C2orf76: variants seen among roughly 807,000 people sequenced by gnomAD.
The protein encoded by C2orf76 is UPF0538 protein C2orf76.
Under a neutral mutation model 16.9 loss-of-function variants are expected in C2orf76, and 23 were observed. That is an observed-to-expected ratio of 1.36 (90% CI 0.98 to 1.93). The LOEUF (loss-of-function observed/expected upper bound fraction) is 1.93. Among genes scored for constraint, C2orf76 ranks in the 30% most tolerant of loss-of-function variants. The pLI, the probability that C2orf76 is intolerant of heterozygous loss-of-function variation, is 0.00. For synonymous variants in C2orf76, 48 were observed against 52.3 expected (o/e 0.92, Z 0.35); for missense variants, 152 against 152.6 (o/e 1.00, Z 0.02).
At chr2:119,349,381 A>C (rs1680308809) in intron 1 of C2orf76, among the ~76,000 whole-genome samples, 1 of 152,228 alleles carries the variant, frequency 6.6e-6, no homozygotes, top group Admixed American at 6.5e-5. Context: ...GAAAGGAGGG[A>C]AAGGCTAGGA....
At position 119,358,352 on chromosome 2, in the gene C2orf76, G is replaced by A. The variant is rs137912955; in HGVS notation, c.-13+8438C>T. Among the ~76,000 whole-genome samples, 487 of 152,230 alleles carry A rather than the reference G, an allele frequency of 3.2e-3. 2 individuals carry two copies. Among genetic ancestry groups the A allele is most frequent in the African/African-American group, 0.011 (466 of 41,550 alleles). On this transcript the variant is annotated intron_variant, in intron 1 of 5. Transcript: ENST00000334816. The stretch of plus-strand genomic sequence containing the variant: ...ATCATTTTGGGAGGCCTAGGTGGGT[G>A]GATCACCTGAGGTCAGGAGTTCAAG...
chr2:119,354,557 TTATAAACTAGGAC>T (rs1212545590), intron 1 of C2orf76, among the ~76,000 whole-genome samples: 2 of 152,104 alleles, frequency 1.3e-5, no homozygotes, highest in African/African-American at 4.8e-5. Flanking sequence ...AACCCTACAT[TTATAAACTAGGAC>T]TATATGAGGG....
At chr2:119,360,209 G>A (rs1305164932) in intron 1 of C2orf76, among the ~76,000 whole-genome samples, 3 of 152,086 alleles carry the variant, frequency 2.0e-5, no homozygotes, top group South Asian at 2.1e-4. Flanking sequence ...GGCCAGGCAC[G>A]GTGGCTCATG....
chr2:119,320,920 A>G (rs1173132374), intron 3 of C2orf76, among the ~76,000 whole-genome samples: 1 of 152,160 alleles, frequency 6.6e-6, no homozygotes, highest in Non-Finnish European at 1.5e-5. Context: ...ATTACCTGGC[A>G]GAGAAACTCG....
chr2:119,341,651 A>G (rs1359704492), intron 1 of C2orf76, among the ~76,000 whole-genome samples: 1 of 152,218 alleles, frequency 6.6e-6, no homozygotes, highest in East Asian at 1.9e-4. Context: ...GCATAGTTCT[A>G]TCTAGTAGCA....
Position 119,319,849 on chromosome 2 carries a change from G to A in C2orf76, c.184+1305C>T, listed in dbSNP as rs1319645533. Among the ~76,000 whole-genome samples the A allele has an allele frequency of 3.3e-5, 5 of 152,156 alleles. No homozygotes were observed. The East Asian group carries it at 9.6e-4, about 29-fold the overall frequency. ...GCCCTGTCCCGCAGACCGTGAGGTGGCAGTCCCGGATGACAATGACAGGTG... is the reference window on the plus strand; with the variant it reads ...GCCCTGTCCCGCAGACCGTGAGGTGACAGTCCCGGATGACAATGACAGGTG... On this transcript the variant is annotated intron_variant, in intron 3 of 5. Coordinates refer to ENST00000334816, the MANE Select transcript of C2orf76 (RefSeq NM_001322331.2).
chr2:119,296,451 T>G, the C2orf76 span, among the ~76,000 whole-genome samples: 2,857 of 152,218 alleles, frequency 0.019, 84 homozygotes, highest in African/African-American at 0.064. Context: ...ATGACAAGAT[T>G]GCTGGACAAC....
chr2:119,331,057 ACT>A (rs1229871918), intron 2 of C2orf76, among the ~76,000 whole-genome samples: 1 of 151,696 alleles, frequency 6.6e-6, no homozygotes, highest in Non-Finnish European at 1.5e-5. Context: ...TATGGGTCAT[ACT>A]TTTTTGCTTC....
At chr2:119,292,737 T>C in the C2orf76 span, among the ~76,000 whole-genome samples, 3 of 152,160 alleles carry the variant, frequency 2.0e-5, no homozygotes, top group Non-Finnish European at 4.4e-5. Flanking sequence ...CGCTTTAACA[T>C]TCAAATACAA....
At chr2:119,347,069 C>G (rs1680227028) in intron 1 of C2orf76, among the ~76,000 whole-genome samples, 1 of 152,182 alleles carries the variant, frequency 6.6e-6, no homozygotes, top group African/African-American at 2.4e-5. Context: ...GGTGTTAAAA[C>G]CATCAGGTAA....
intron 1 of C2orf76, chr2:119,340,267 G>A (rs1367920781): frequency 2.2e-5 from 6 of 276,070 alleles, no homozygotes; most frequent in South Asian, 1.3e-4. Context: ...GCATGTGTAC[G>A]TGTGGAAACA....
intron 1 of C2orf76, among the ~76,000 whole-genome samples, chr2:119,354,740 A>C (rs1486582553): frequency 6.6e-6 from 1 of 152,202 alleles, no homozygotes; most frequent in Non-Finnish European, 1.5e-5. Context: ...AAATGATTTC[A>C]AAGTCTTCAA....
intron 3 of C2orf76, among the ~76,000 whole-genome samples, chr2:119,319,857 G>A (rs1457531833): frequency 2.6e-5 from 4 of 152,082 alleles, no homozygotes; most frequent in African/African-American, 4.8e-5. Context: ...TGGCAGTCCC[G>A]GATGACAATG....
chr2:119,311,627 C>A lies in C2orf76; in HGVS notation c.299G>T (p.Gly100Val), dbSNP rs768989404. ...LKEDSTLKAA[G>V]IASETEIAFF... ...CACAAGGCCCCCTTCCTCACCGATT[C>A]CAGCTGCTTTCAGAGTGCTGTCTTC... Residue 100 changes from glycine (G) to valine (V), a missense_variant, in exon 5 of 6, where the codon GGA becomes GTA. Gly to Val is a moderately radical substitution (Grantham distance 109). Transcript: ENST00000334816. 28 of 1,613,382 alleles carry A rather than the reference C, an allele frequency of 1.7e-5. No homozygotes were observed. In the Middle Eastern group the frequency reaches 6.6e-4, roughly 38 times the overall value.
chr2:119,351,263 C>T (rs1680393188), intron 1 of C2orf76, among the ~76,000 whole-genome samples: 1 of 152,156 alleles, frequency 6.6e-6, no homozygotes, highest in African/African-American at 2.4e-5. Context: ...TTATCTAACA[C>T]AATATTTAAT....
At chr2:119,349,727 T>G (rs1680321073) in intron 1 of C2orf76, among the ~76,000 whole-genome samples, 1 of 152,078 alleles carries the variant, frequency 6.6e-6, no homozygotes, top group Non-Finnish European at 1.5e-5. Flanking sequence ...AGGACACCTT[T>G]GAGCTGGGCT....
chr2:119,367,131 C>G (rs549860741), upstream of C2orf76: 3 of 1,602,110 alleles, frequency 1.9e-6, no homozygotes, highest in Non-Finnish European at 2.6e-6. Context: ...CAGCCGGCTG[C>G]CAGAAGCTCT....
chr2:119,306,775 G>A (rs530114111), intron 5 of C2orf76, among the ~76,000 whole-genome samples: 1 of 27,552 alleles, frequency 3.6e-5, no homozygotes, highest in Non-Finnish European at 6.3e-5. Flanking sequence ...TTTTCGTACT[G>A]GGTCCACAAG....
chr2:119,331,062 T>C (rs188089937), intron 2 of C2orf76, among the ~76,000 whole-genome samples: 102 of 152,334 alleles, frequency 6.7e-4, no homozygotes, highest in African/African-American at 2.2e-3. Flanking sequence ...GTCATACTTT[T>C]TTGCTTCTTT....
Sources: allele counts gnomAD v4.1 joint callset (sites outside exome capture counted in the v4.1 genomes callset), GRCh38; gene constraint gnomAD v4.1.1; transcripts MANE v1.5; gene names NCBI Gene and HGNC (gene_info 2026-07-23, HGNC 2026-07-21).